GPHN: variants seen among roughly 807,000 people sequenced by gnomAD.
The protein encoded by GPHN is gephyrin.
A neutral mutation model predicts 95.5 loss-of-function variants in GPHN; 17 were observed. That is an observed-to-expected ratio of 0.18 (90% CI 0.12 to 0.27). The LOEUF is 0.27. Ranked by LOEUF, GPHN falls within the 10% of genes least tolerant of loss-of-function variation. The pLI is 1.00. For missense variants in GPHN, 660 were observed against 978.1 expected (o/e 0.67, Z 4.34); for synonymous variants, 320 against 322.5 (o/e 0.99, Z 0.08).
chr14:67,083,442 T>G (rs1162332905), intron 11 of GPHN, among the ~76,000 whole-genome samples: 1 of 152,130 alleles, frequency 6.6e-6, no homozygotes, highest in African/African-American at 2.4e-5. Flanking sequence ...TCTGCCATGA[T>G]TGTAAGTTTC....
intron 1 of GPHN, among the ~76,000 whole-genome samples, chr14:66,616,593 C>A (rs752057565): frequency 6.6e-6 from 1 of 152,114 alleles, no homozygotes; most frequent in Non-Finnish European, 1.5e-5. Flanking sequence ...CCTGCTCCTT[C>A]TTCTGGGATC....
intron 1 of GPHN, among the ~76,000 whole-genome samples, chr14:66,544,230 A>G (rs921851733): frequency 4.6e-5 from 7 of 152,198 alleles, no homozygotes; most frequent in Admixed American, 4.6e-4. Flanking sequence ...CAGGAGTCAC[A>G]TGACCAAATT....
At position 66,914,668 on chromosome 14, in the gene GPHN, GT is replaced by G. The variant is rs571580461; in HGVS notation, c.390-1333del. ...TCTACGAGGGATTATTGTGCTCTTA[GT>G]TAAAATTCTAGATTTATTCAATAAA... On this transcript the variant is annotated intron_variant, in intron 5 of 22. Coordinates refer to ENST00000478722, the MANE Select transcript of GPHN (RefSeq NM_020806.5). Among the ~76,000 whole-genome samples the G allele has an allele frequency of 3.0e-3, 455 of 152,082 alleles. 3 individuals are homozygous for G. Among genetic ancestry groups the G allele is most frequent in the African/African-American group, 0.011 (437 of 41,516 alleles).
intron 4 of GPHN, among the ~76,000 whole-genome samples, chr14:66,860,683 A>G (rs1596180413): frequency 1.3e-5 from 2 of 152,092 alleles, no homozygotes; most frequent in Middle Eastern, 6.8e-3. Flanking sequence ...AACCGCAACA[A>G]CTTTTCAAGA....
At chr14:66,678,281 A>T (rs372177102) in intron 1 of GPHN, among the ~76,000 whole-genome samples, 11 of 148,014 alleles carry the variant, frequency 7.4e-5, no homozygotes, top group African/African-American at 2.3e-4. Context: ...ATTCTTTTTT[A>T]AATTTTTTTT....
intron 11 of GPHN, among the ~76,000 whole-genome samples, chr14:67,076,327 G>A (rs908777826): frequency 1.7e-4 from 26 of 152,256 alleles, no homozygotes; most frequent in African/African-American, 3.6e-4. Context: ...ACAGAATAGC[G>A]TAAACATAAC....
intron 18 of GPHN, among the ~76,000 whole-genome samples, chr14:67,158,682 A>G (rs1193854639): frequency 1.3e-5 from 2 of 152,226 alleles, no homozygotes; most frequent in Non-Finnish European, 2.9e-5. Flanking sequence ...TTCTGTCTAC[A>G]ACACCAGCTG....
At chr14:66,582,023 C>A (rs1201265256) in intron 1 of GPHN, among the ~76,000 whole-genome samples, 1 of 151,914 alleles carries the variant, frequency 6.6e-6, no homozygotes, top group Non-Finnish European at 1.5e-5. Context: ...CATCTTAGAC[C>A]AAATGTAACA....
chr14:67,524,238 C>T, the GPHN span, among the ~76,000 whole-genome samples: 3 of 152,134 alleles, frequency 2.0e-5, no homozygotes, highest in African/African-American at 7.2e-5. Flanking sequence ...CAGATGCATG[C>T]CACCAAACCT....
intron 1 of GPHN, among the ~76,000 whole-genome samples, chr14:66,544,036 G>C (rs540413106): frequency 1.3e-5 from 2 of 152,166 alleles, no homozygotes; most frequent in Non-Finnish European, 2.9e-5. Context: ...CTGACCACCT[G>C]TTAGTTTTTT....
At chr14:67,320,269 C>A in the GPHN span, 1 of 1,613,300 alleles carries the variant, frequency 6.2e-7, no homozygotes, top group Middle Eastern at 1.7e-4. Context: ...GAGGAAATGT[C>A]ACTTTATCAT....
intron 18 of GPHN, among the ~76,000 whole-genome samples, chr14:67,156,548 T>C (rs982105166): frequency 2.6e-5 from 4 of 151,956 alleles, no homozygotes; most frequent in Non-Finnish European, 5.9e-5. Context: ...ACTAACAAGC[T>C]AATAGAGGGG....
the GPHN span, chr14:67,587,217 G>A: frequency 6.2e-7 from 1 of 1,613,856 alleles, no homozygotes; most frequent in Non-Finnish European, 8.5e-7. Flanking sequence ...GTGCTACCAA[G>A]GGGCCAACGT....
chr14:67,333,677 T>C, the GPHN span: 1 of 152,588 alleles, frequency 6.6e-6, no homozygotes, highest in Non-Finnish European at 1.5e-5. Context: ...CTTTTTTAAA[T>C]TATGATTTCC....
the GPHN span, chr14:67,600,160 A>G: frequency 6.3e-7 from 1 of 1,589,692 alleles, no homozygotes; most frequent in Non-Finnish European, 8.6e-7. Flanking sequence ...CTGCAGCGCC[A>G]GGCGGCCGCC....
chr14:66,958,746 A>G (rs992868097), intron 8 of GPHN, among the ~76,000 whole-genome samples: 1 of 152,206 alleles, frequency 6.6e-6, no homozygotes, highest in African/African-American at 2.4e-5. Flanking sequence ...TCAAAATGCC[A>G]TTATGCAATG....
the GPHN span, among the ~76,000 whole-genome samples, chr14:67,697,858 C>CA: frequency 2.0e-5 from 3 of 152,218 alleles, no homozygotes; most frequent in African/African-American, 7.2e-5. Context: ...GCTCCACACT[C>CA]AGAGTTTATA....
At chr14:66,988,246 C>T (rs1440014850) in intron 9 of GPHN, among the ~76,000 whole-genome samples, 1 of 151,880 alleles carries the variant, frequency 6.6e-6, no homozygotes, top group Non-Finnish European at 1.5e-5. Flanking sequence ...TATTTTGGCC[C>T]CAGTGCAAAA....
rs533434891 is a variant in GPHN at position 66,774,112 on chromosome 14, C to T, written c.144-2352C>T. 2.1e-3 allele frequency among the ~76,000 whole-genome samples: 312 copies of T among 147,736 alleles called. 1 individual carries two copies. The highest frequency in any genetic ancestry group is 7.3e-3 in the African/African-American group (290 of 39,674). On this transcript the variant is annotated intron_variant, in intron 2 of 22. Coordinates refer to ENST00000478722, the MANE Select transcript of GPHN (RefSeq NM_020806.5). The stretch of plus-strand genomic sequence containing the variant: ...CCGCCTCCCGGGTTCATGCCATTCT[C>T]CTGCCTCAGCCTCCCGAGTAGCTGG...
Sources: allele counts gnomAD v4.1 joint callset (sites outside exome capture counted in the v4.1 genomes callset), GRCh38; gene constraint gnomAD v4.1.1; transcripts MANE v1.5; gene names NCBI Gene and HGNC (gene_info 2026-07-23, HGNC 2026-07-21).